The following ATXN2 variants were observed in gnomAD, a reference collection of about 807,000 sequenced individuals.
ATXN2 encodes the protein ataxin 2.
ATXN2 carries 37 observed loss-of-function variants against 138.6 expected under a neutral mutation model. The ratio of observed to expected loss-of-function variants is 0.27; its 90% CI spans 0.21 to 0.35. The LOEUF (loss-of-function observed/expected upper bound fraction) is 0.35. Among genes scored for constraint, ATXN2 ranks in the 10% least tolerant of loss-of-function variants. The pLI is 1.00. For missense variants in ATXN2, 1,216 were observed against 1,480.3 expected, an observed-to-expected ratio of 0.82 and a Z score of 2.93; for synonymous variants, 549 against 543.7, an observed-to-expected ratio of 1.01 and a Z score of -0.13.
At chr12:111,568,642 T>A (rs1260043903) in intron 1 of ATXN2, among the ~76,000 whole-genome samples, 1 of 152,186 alleles carries the variant, frequency 6.6e-6, no homozygotes, top group Admixed American at 6.6e-5. Flanking sequence ...TTCTTGTTAG[T>A]TACCAACTTA....
chr12:111,544,079 T>C (rs753689981), intron 5 of ATXN2, among the ~76,000 whole-genome samples: 5 of 151,446 alleles, frequency 3.3e-5, no homozygotes, highest in Non-Finnish European at 7.4e-5. Context: ...CCTGTTTCTT[T>C]AAAAAAAAGA....
At chr12:111,526,810 A>G (rs1302820010) in intron 5 of ATXN2, among the ~76,000 whole-genome samples, 1 of 152,210 alleles carries the variant, frequency 6.6e-6, no homozygotes, top group African/African-American at 2.4e-5. Flanking sequence ...ATTCATGTCT[A>G]TGTACAGTGG....
intron 14 of ATXN2, among the ~76,000 whole-genome samples, chr12:111,488,995 C>T (rs977908643): frequency 1.3e-5 from 2 of 152,086 alleles, no homozygotes. Context: ...AATGTCCTAG[C>T]CTCTAAAGTT....
intron 6 of ATXN2, among the ~76,000 whole-genome samples, chr12:111,522,782 C>T (rs988768890): frequency 2.6e-5 from 4 of 152,010 alleles, no homozygotes; most frequent in South Asian, 2.1e-4. Context: ...GATGTGGTGG[C>T]GGGCGCTTGT....
Position 111,453,883 on chromosome 12 carries a change from C to T in ATXN2, c.3271-38G>A. ...GCTCTTTTACGCATACAGGCAACAT[C>T]TCCGGCTTCAACAACATGTCAACTG... On this transcript the variant is annotated intron_variant, in intron 23 of 24. Coordinates refer to ENST00000673436, the MANE Select transcript of ATXN2 (RefSeq NM_001372574.1). This position sits in a 1 kb window ranked among gnomAD's most constrained non-coding sequence, Gnocchi z 5.4. 1 of 1,565,940 alleles carries T rather than the reference C, an allele frequency of 6.4e-7. No individual in the cohort carries two copies. Among genetic ancestry groups the T allele is most frequent in the East Asian group, 2.3e-5 (1 of 43,566 alleles).
At chr12:111,477,965 C>CT (rs760866567) in intron 18 of ATXN2, among the ~76,000 whole-genome samples, 7,386 of 144,276 alleles carry the variant, frequency 0.051, 230 homozygotes, top group South Asian at 0.084. Context: ...TTTCTTTTTT[C>CT]TTTTTTTTTT....
At chr12:111,578,633 C>G (rs561397483) in intron 1 of ATXN2, among the ~76,000 whole-genome samples, 14 of 151,996 alleles carry the variant, frequency 9.2e-5, no homozygotes, top group Non-Finnish European at 2.1e-4. Context: ...AAAACACATC[C>G]CCATCATTAA....
intron 14 of ATXN2, among the ~76,000 whole-genome samples, chr12:111,498,804 C>T (rs2135714858): frequency 6.6e-6 from 1 of 152,212 alleles, no homozygotes; most frequent in Admixed American, 6.5e-5. Flanking sequence ...CATTATCTGA[C>T]TTCAAATTAT....
chr12:111,462,591 G>T (rs1380280616), intron 21 of ATXN2, among the ~76,000 whole-genome samples: 2 of 152,134 alleles, frequency 1.3e-5, no homozygotes, highest in African/African-American at 4.8e-5. Flanking sequence ...TAGAACAGGG[G>T]GAAATGAAGC....
chr12:111,581,270 A>G, intron 1 of ATXN2: 2 of 429,084 alleles, frequency 4.7e-6, no homozygotes, highest in South Asian at 3.0e-5. Flanking sequence ...AAATAGAATG[A>G]GTACTAAAAA....
chr12:111,593,303 C>G (rs1884772619), intron 1 of ATXN2, among the ~76,000 whole-genome samples: 1 of 151,932 alleles, frequency 6.6e-6, no homozygotes. Flanking sequence ...CCATGTTGGC[C>G]AGACTAGTCT....
chr12:111,502,570 C>G (rs1412651393), intron 14 of ATXN2, among the ~76,000 whole-genome samples: 1 of 152,048 alleles, frequency 6.6e-6, no homozygotes, highest in African/African-American at 2.4e-5. Context: ...GCTGGGATTA[C>G]AGGCACCTGC....
chr12:111,461,097 CTTTG>C (rs1360093685), intron 21 of ATXN2: 1 of 152,138 alleles, frequency 6.6e-6, no homozygotes, highest in Non-Finnish European at 1.5e-5. Context: ...AAATATTTCC[CTTTG>C]TTTTTTTGTT....
Position 111,470,641 on chromosome 12 carries a change from A to C in ATXN2, c.2626T>G (p.Tyr876Asp). 1 of 1,614,140 alleles carries C rather than the reference A, an allele frequency of 6.2e-7. No homozygotes were observed. The highest frequency in any genetic ancestry group is 8.5e-7 in the Non-Finnish European group (1 of 1,180,026). ...GPPIAATPPAYSTQYVAYSPQ... is the reference protein window; with the variant it reads ...GPPIAATPPADSTQYVAYSPQ... ...CTGTAGGCAACATATTGCGTGGAGTAAGCTGGTGGGGTGGCTGCAATCGGT... is the reference window on the plus strand; with the variant it reads ...CTGTAGGCAACATATTGCGTGGAGTCAGCTGGTGGGGTGGCTGCAATCGGT... The change falls in exon 19 of 25, where the codon TAC (tyrosine) becomes GAC (aspartate). Residue 876 changes from tyrosine to aspartate, a missense_variant. Physicochemically the swap from Tyr to Asp is radical, Grantham distance 160. Transcript: ENST00000673436.
chr12:111,487,632 G>GT (rs1877730926), intron 15 of ATXN2, among the ~76,000 whole-genome samples: 1 of 151,758 alleles, frequency 6.6e-6, no homozygotes, highest in Non-Finnish European at 1.5e-5. Context: ...GCTAATTTTT[G>GT]TATTTTTAGT....
At chr12:111,525,050 G>T in intron 6 of ATXN2, 142 bp downstream of exon 6, 1 of 1,065,028 alleles carries the variant, frequency 9.4e-7, no homozygotes, top group South Asian at 2.2e-5. Context: ...TTGGGAGAAA[G>T]TCTCTAGTTA....
chr12:111,556,828 A>AG (rs1413912198), intron 1 of ATXN2, among the ~76,000 whole-genome samples: 1 of 151,696 alleles, frequency 6.6e-6, no homozygotes, highest in Non-Finnish European at 1.5e-5. Flanking sequence ...AAAAAAAAAA[A>AG]GAAAGAAAAA....
intron 1 of ATXN2, among the ~76,000 whole-genome samples, chr12:111,563,923 T>C (rs1187083255): frequency 6.6e-6 from 1 of 152,188 alleles, no homozygotes; most frequent in Non-Finnish European, 1.5e-5. Flanking sequence ...TGTATTATAA[T>C]TACTAGTGTA....
At chr12:111,468,973 T>C (rs1236036438) in intron 20 of ATXN2, 1 of 152,242 alleles carries the variant, frequency 6.6e-6, no homozygotes, top group Non-Finnish European at 1.5e-5. Flanking sequence ...GTGCTGGGAT[T>C]ACAGGCGTGA....
Sources: gnomAD v4.1 joint callset for allele counts (sites outside exome capture counted in the v4.1 genomes callset) on GRCh38, gnomAD v4.1.1 for gene constraint, Gnocchi (gnomAD v3.1) non-coding constraint, MANE v1.5 for transcripts, NCBI Gene and HGNC (gene_info 2026-07-23, HGNC 2026-07-21) for gene names.